NEXMIF: variants seen among roughly 807,000 people sequenced by gnomAD.
NEXMIF encodes the protein neurite extension and migration factor.
In NEXMIF, 8 loss-of-function variants were observed where a neutral mutation model predicts 62.1. The ratio of observed to expected loss-of-function variants is 0.13; its 90% confidence interval spans 0.08 to 0.23. The LOEUF (loss-of-function observed/expected upper bound fraction) is 0.23. NEXMIF is among the 10% of genes least tolerant of loss of function. The pLI, the probability that NEXMIF is intolerant of heterozygous loss-of-function variation, is 1.00. For missense variants in NEXMIF, 976 were observed against 1,113.3 expected (o/e 0.88, Z 1.75); for synonymous variants, 404 against 416.6 (o/e 0.97, Z 0.37).
In NEXMIF at chrX:74,883,801, C is replaced by G. The variant is rs185198127; in HGVS notation, c.-48+41082G>C. ...AATACAGGAAATACAGAGAACGCCA[C>G]AAAGATACTCCTCAAGAAGAGCAAC... On this transcript the variant is annotated intron_variant, in intron 1 of 3. Coordinates refer to ENST00000055682, the MANE Select transcript of NEXMIF (RefSeq NM_001008537.3). Among the ~76,000 whole-genome samples the G allele has an allele frequency of 7.6e-4, 85 of 111,338 alleles. 1 individual carries two copies. Among genetic ancestry groups the G allele is most frequent in the African/African-American group, 2.4e-3 (74 of 30,602 alleles).
chrX:74,760,841 G>GATTTATTT lies in NEXMIF; in HGVS notation c.-47-15152_-47-15145dup, dbSNP rs74679235. Among the ~76,000 whole-genome samples, 165 of 89,445 alleles carry GATTTATTT rather than the reference G, an allele frequency of 1.8e-3. 1 individual carries two copies. The highest frequency in any genetic ancestry group is 9.1e-3 in the South Asian group (14 of 1,534). The allele number at this position is 89,445 out of a possible 115,157, so 77.7% of individuals were successfully genotyped here. ...TGTTCATCAAGGTTATTGGCCCTAA[G>GATTTATTT]ATTTATTTATTTATTTATTTATTTA... On this transcript the variant is annotated intron_variant, in intron 1 of 3. Transcript: ENST00000055682.
chrX:74,751,145 G>T (rs2080140972), intron 1 of NEXMIF, among the ~76,000 whole-genome samples: 1 of 111,291 alleles, frequency 9.0e-6, no homozygotes, highest in Admixed American at 9.5e-5. Context: ...CAGGAGGATT[G>T]CTTGAACCCG....
In NEXMIF at chrX:74,741,954, T is replaced by C; in HGVS notation, c.2603A>G (p.Asp868Gly). 8.3e-7 allele frequency: 1 copy of C among 1,211,491 alleles called. No individual in the cohort carries two copies. Among genetic ancestry groups the C allele is most frequent in the Non-Finnish European group, 1.1e-6 (1 of 895,342 alleles). The change falls in exon 3 of 4, where the codon GAC (aspartate) becomes GGC (glycine). Residue 868 changes from aspartate (D) to glycine (G), a missense_variant. Transcript: ENST00000055682. ...ATGAGATGACTGCTGCAGCTCAGAG[T>C]CAGAGGATGAGGTGAGCACACAGTC... ...TQDCVLTSSS[D>G]SELQQSSHNF...
chrX:74,784,890 T>C (rs2080256203), intron 1 of NEXMIF, among the ~76,000 whole-genome samples: 1 of 111,311 alleles, frequency 9.0e-6, no homozygotes, highest in African/African-American at 3.3e-5. Flanking sequence ...ATGCTTTCTT[T>C]CCAAGGGATA....
At chrX:74,872,511 G>C (rs912130261) in intron 1 of NEXMIF, among the ~76,000 whole-genome samples, 1 of 109,193 alleles carries the variant, frequency 9.2e-6, no homozygotes, top group African/African-American at 3.3e-5. Context: ...ATAAGACCTA[G>C]TATTTGCTAG....
At chrX:74,853,590 A>C (rs936036796) in intron 1 of NEXMIF, among the ~76,000 whole-genome samples, 43 of 110,810 alleles carry the variant, frequency 3.9e-4, no homozygotes, top group African/African-American at 1.4e-3. Context: ...CTGTTAGAGA[A>C]GAAATGGTTT....
intron 1 of NEXMIF, among the ~76,000 whole-genome samples, chrX:74,836,000 C>T (rs1283058457): frequency 8.9e-6 from 1 of 112,687 alleles, no homozygotes; most frequent in African/African-American, 3.2e-5. Flanking sequence ...GACATGCAGT[C>T]TTTCCCACTC....
At chrX:74,750,137 G>C (rs1377331851) in intron 1 of NEXMIF, among the ~76,000 whole-genome samples, 1 of 111,310 alleles carries the variant, frequency 9.0e-6, no homozygotes, top group Non-Finnish European at 1.9e-5. Context: ...ATGTCAAAAA[G>C]ATTAGAATTC....
chrX:74,740,308 C>A lies in NEXMIF; in HGVS notation c.4249G>T (p.Gly1417Cys). The change falls in exon 3 of 4, where the codon GGT becomes TGT. Residue 1417 changes from glycine to cysteine, a missense_variant. Physicochemically the swap from Gly to Cys is radical, Grantham distance 159. This residue lies in a region of NEXMIF where 137 missense variants were observed against 128.9 expected (regional missense o/e 1.06). Transcript: ENST00000055682. ...GTAGAGCGAGAGTCCTCGTTATAAC[C>A]AGGCATGTTTGCACGACCAGGATCA... ...IGDPGRANMP[G>C]YNEDSRSTFF... 8.3e-7 allele frequency: 1 copy of A among 1,211,286 alleles called. No homozygotes were observed.
chrX:74,781,852 T>C (rs1602225599), intron 1 of NEXMIF, among the ~76,000 whole-genome samples: 1 of 112,028 alleles, frequency 8.9e-6, no homozygotes, highest in African/African-American at 3.2e-5. Context: ...ATGTGAAATT[T>C]ATACTAAGAT....
intron 1 of NEXMIF, among the ~76,000 whole-genome samples, chrX:74,756,190 T>C (rs1258515113): frequency 8.9e-6 from 1 of 111,974 alleles, no homozygotes; most frequent in African/African-American, 3.3e-5. Context: ...CTCCAACTCC[T>C]GATCTCGTGA....
chrX:74,868,132 C>T (rs2080586871), intron 1 of NEXMIF, among the ~76,000 whole-genome samples: 1 of 111,911 alleles, frequency 8.9e-6, no homozygotes, highest in Non-Finnish European at 1.9e-5. Context: ...ACAACAGATA[C>T]TGGTGAGGCT....
At chrX:74,790,980 C>A (rs1212102632) in intron 1 of NEXMIF, among the ~76,000 whole-genome samples, 7 of 110,693 alleles carry the variant, frequency 6.3e-5, no homozygotes, top group African/African-American at 2.0e-4. Flanking sequence ...CCTTCTCCTG[C>A]CTAATTGCCC....
At chrX:74,789,619 C>T (rs1392845707) in intron 1 of NEXMIF, among the ~76,000 whole-genome samples, 1 of 111,046 alleles carries the variant, frequency 9.0e-6, no homozygotes, top group African/African-American at 3.3e-5. Context: ...TATTTCTCCA[C>T]ATCCTCTCCA....
chrX:74,852,301 G>A (rs1196424244), intron 1 of NEXMIF, among the ~76,000 whole-genome samples: 1 of 111,106 alleles, frequency 9.0e-6, no homozygotes. Flanking sequence ...CCAACACCAG[G>A]CCACCCAGAT....
chrX:74,742,049 A>C lies in NEXMIF; in HGVS notation c.2508T>G (p.His836Gln), dbSNP rs1342098183. The C allele has an allele frequency of 4.1e-6, 5 of 1,212,005 alleles. No homozygotes were observed. Among genetic ancestry groups the C allele is most frequent in the Non-Finnish European group, 5.6e-6 (5 of 895,544 alleles). Residue 836 changes from histidine to glutamine, a missense_variant, in exon 3 of 4, where the codon CAT (histidine) becomes CAG (glutamine). By Grantham distance (24) the His-to-Gln change is conservative. Around this residue, in one of 5 missense-constraint regions of NEXMIF, gnomAD observed 639 missense variants for 694.5 expected, o/e 0.92. Coordinates refer to ENST00000055682, the MANE Select transcript of NEXMIF (RefSeq NM_001008537.3). ...NNTSISYFSH[H>Q]SPEQNEGSLT... The stretch of plus-strand genomic sequence containing the variant: ...GGCTGCCTTCATTTTGCTCTGGAGA[A>C]TGGTGGCTGAAGTATGAGATACTAG...
chrX:74,822,574 G>A (rs765448330), intron 1 of NEXMIF, among the ~76,000 whole-genome samples: 2 of 111,782 alleles, frequency 1.8e-5, no homozygotes, highest in South Asian at 7.6e-4. Flanking sequence ...ATTAAAAATG[G>A]GCAAAGAGTC....
intron 1 of NEXMIF, among the ~76,000 whole-genome samples, chrX:74,857,367 G>C (rs900352238): frequency 8.9e-6 from 1 of 112,269 alleles, no homozygotes; most frequent in Non-Finnish European, 1.9e-5. Context: ...TAGCACCCCA[G>C]TTCCAGGCCC....
At chrX:74,922,529 A>G (rs771768495) in intron 1 of NEXMIF, among the ~76,000 whole-genome samples, 1 of 112,467 alleles carries the variant, frequency 8.9e-6, no homozygotes, top group African/African-American at 3.2e-5. Context: ...TTTCCTTTAA[A>G]TGACTTTCTC....
Sources: gnomAD v4.1 joint callset for allele counts (sites outside exome capture counted in the v4.1 genomes callset) on GRCh38, gnomAD v4.1.1 for gene constraint, gnomAD v4.1.1 regional missense constraint, MANE v1.5 for transcripts, NCBI Gene and HGNC (gene_info 2026-07-23, HGNC 2026-07-21) for gene names.